PPP2R3A: variants seen among roughly 807,000 people sequenced by gnomAD.
The protein encoded by PPP2R3A is protein phosphatase 2 regulatory subunit B''alpha.
A neutral mutation model predicts 106.9 loss-of-function variants in PPP2R3A; 80 were observed. That is an observed-to-expected ratio of 0.75 (90% confidence interval 0.62 to 0.90). PPP2R3A has a LOEUF of 0.90. PPP2R3A is among the 40% of genes least tolerant of loss of function. The pLI is 0.00. For synonymous variants in PPP2R3A, 483 were observed against 468.3 expected (o/e 1.03, Z -0.41); for missense variants, 1,386 against 1,350.4 (o/e 1.03, Z -0.41).
chr3:136,008,845 G>A (rs1933941972), intron 2 of PPP2R3A, among the ~76,000 whole-genome samples: 1 of 152,046 alleles, frequency 6.6e-6, no homozygotes, highest in Admixed American at 6.5e-5. Context: ...CCACAGGCCT[G>A]TCCAACCCTC....
At chr3:135,985,820 T>G (rs1419500046) in intron 1 of PPP2R3A, among the ~76,000 whole-genome samples, 1 of 152,114 alleles carries the variant, frequency 6.6e-6, no homozygotes, top group East Asian at 1.9e-4. Context: ...GGACAGAATA[T>G]CAGATGAATT....
intron 5 of PPP2R3A, among the ~76,000 whole-genome samples, chr3:136,053,450 A>G (rs73863191): frequency 0.054 from 8,192 of 152,234 alleles, 753 homozygotes; most frequent in African/African-American, 0.18. Flanking sequence ...CAAGTGGTGA[A>G]GTGAGCTCCT....
chr3:136,022,091 G>T (rs1422138364), intron 2 of PPP2R3A, among the ~76,000 whole-genome samples: 1 of 152,048 alleles, frequency 6.6e-6, no homozygotes, highest in African/African-American at 2.4e-5. Context: ...AATATATGAT[G>T]AAATAATAGG....
intron 3 of PPP2R3A, among the ~76,000 whole-genome samples, chr3:136,028,351 T>G (rs562995486): frequency 2.8e-4 from 43 of 152,354 alleles, no homozygotes; most frequent in African/African-American, 1.0e-3. Context: ...GTTCTCTTCC[T>G]TCATTCCCCC....
At chr3:135,973,528 A>T (rs916252900) in intron 1 of PPP2R3A, among the ~76,000 whole-genome samples, 3 of 152,172 alleles carry the variant, frequency 2.0e-5, no homozygotes, top group African/African-American at 7.2e-5. Context: ...GAGAGATTGC[A>T]GCTATCCAGA....
chr3:135,972,629 T>C (rs1327446155), intron 1 of PPP2R3A, among the ~76,000 whole-genome samples: 1 of 152,198 alleles, frequency 6.6e-6, no homozygotes, highest in Non-Finnish European at 1.5e-5. Flanking sequence ...CCAGCACTTT[T>C]GTTTTCTGGT....
chr3:136,144,478 TG>T lies in PPP2R3A; in HGVS notation c.3330-563del, dbSNP rs372800293. ...GAGTTCCAGACCAGCCTGGCCAACA[TG>T]GTGAAACCCCATCTCTACTAAAAAT... is the stretch of plus-strand genomic sequence containing the variant. On this transcript the variant is annotated intron_variant, in intron 13 of 13. Coordinates refer to ENST00000264977, the MANE Select transcript of PPP2R3A (RefSeq NM_002718.5). 3.5e-4 allele frequency among the ~76,000 whole-genome samples: 53 copies of T among 152,126 alleles called. No individual in the cohort carries two copies. In the East Asian group the frequency reaches 9.9e-3, roughly 28 times the overall value.
intron 10 of PPP2R3A, among the ~76,000 whole-genome samples, chr3:136,091,161 G>A (rs1172799849): frequency 6.6e-6 from 1 of 152,086 alleles, no homozygotes; most frequent in African/African-American, 2.4e-5. Context: ...GTCTTGTTTA[G>A]GCAAAAAATC....
chr3:135,973,831 A>G (rs916533678), intron 1 of PPP2R3A, among the ~76,000 whole-genome samples: 1 of 152,186 alleles, frequency 6.6e-6, no homozygotes. Flanking sequence ...TACCGGAGAT[A>G]TAGTGCCTTT....
chr3:136,011,460 T>C (rs1004303032), intron 2 of PPP2R3A, among the ~76,000 whole-genome samples: 15 of 152,172 alleles, frequency 9.9e-5, no homozygotes, highest in African/African-American at 3.6e-4. Flanking sequence ...TTTAAATTTT[T>C]CCTTACAACC....
chr3:136,030,204 T>C (rs1456725272), intron 3 of PPP2R3A, among the ~76,000 whole-genome samples: 2 of 147,972 alleles, frequency 1.4e-5, no homozygotes, highest in African/African-American at 5.1e-5. Context: ...GGTGACAGAG[T>C]GAGAACCTGT....
chr3:136,057,079 CA>C (rs35626650), intron 5 of PPP2R3A, among the ~76,000 whole-genome samples: 34,099 of 144,642 alleles, frequency 0.24, 4,464 homozygotes, highest in Non-Finnish European at 0.31. Context: ...ACCCCCCCCA[CA>C]CACACCGTTG....
chr3:135,990,593 A>G (rs1477767212), intron 1 of PPP2R3A, among the ~76,000 whole-genome samples: 1 of 152,134 alleles, frequency 6.6e-6, no homozygotes, highest in African/African-American at 2.4e-5. Flanking sequence ...TAAATTTCAG[A>G]TTTCTTGTTA....
chr3:135,969,682 A>C (rs1180012498), intron 1 of PPP2R3A, among the ~76,000 whole-genome samples: 1 of 152,230 alleles, frequency 6.6e-6, no homozygotes, highest in Non-Finnish European at 1.5e-5. Flanking sequence ...AGTAGCCTAC[A>C]GCTGAATCTG....
chr3:136,057,330 T>TA (rs1234852715), intron 5 of PPP2R3A, among the ~76,000 whole-genome samples: 1 of 152,022 alleles, frequency 6.6e-6, no homozygotes, highest in Non-Finnish European at 1.5e-5. Context: ...ATATTAGTCA[T>TA]AAAAAAGAAT....
chr3:136,068,144 G>A (rs1343694540), intron 5 of PPP2R3A, among the ~76,000 whole-genome samples: 2 of 152,082 alleles, frequency 1.3e-5, no homozygotes, highest in East Asian at 3.9e-4. Context: ...CTTGAACCTG[G>A]AAGGTAGAGG....
At chr3:135,997,635 A>G (rs1933452857) in intron 1 of PPP2R3A, among the ~76,000 whole-genome samples, 1 of 152,196 alleles carries the variant, frequency 6.6e-6, no homozygotes, top group Non-Finnish European at 1.5e-5. Flanking sequence ...CATTCAGAAA[A>G]TAACTTTATC....
At chr3:136,133,165 T>A (rs1938488326) in intron 13 of PPP2R3A, among the ~76,000 whole-genome samples, 1 of 152,156 alleles carries the variant, frequency 6.6e-6, no homozygotes, top group South Asian at 2.1e-4. Context: ...TACATTGGAC[T>A]TCCTTCAAAA....
chr3:135,966,332 G>A lies in PPP2R3A; in HGVS notation c.-441+483G>A, dbSNP rs548658755. ...CTTCCCCGCCCCCTGCCCAACCTCGGCCCGACTTGGCCAAAGAAGGATGTG... is the reference window on the plus strand; with the variant it reads ...CTTCCCCGCCCCCTGCCCAACCTCGACCCGACTTGGCCAAAGAAGGATGTG... On this transcript the variant is annotated intron_variant, in intron 1 of 13. Coordinates refer to ENST00000264977, the MANE Select transcript of PPP2R3A (RefSeq NM_002718.5). 1.8e-4 allele frequency among the ~76,000 whole-genome samples: 27 copies of A among 152,306 alleles called. 1 individual carries two copies. Among genetic ancestry groups the A allele is most frequent in the East Asian group, 7.7e-4 (4 of 5,168 alleles).
Sources: gnomAD v4.1 joint callset for allele counts (sites outside exome capture counted in the v4.1 genomes callset) on GRCh38, gnomAD v4.1.1 for gene constraint, MANE v1.5 for transcripts, NCBI Gene and HGNC (gene_info 2026-07-23, HGNC 2026-07-21) for gene names.